ANKRD44: variants seen among roughly 807,000 people sequenced by gnomAD.
ANKRD44 encodes ankyrin repeat domain 44.
A neutral mutation model predicts 116.0 loss-of-function variants in ANKRD44; 35 were observed. That is an observed-to-expected ratio of 0.30 (90% CI 0.23 to 0.40). The LOEUF is 0.40. ANKRD44 is among the 10% of genes least tolerant of loss of function. ANKRD44 has a pLI of 1.00. For missense variants in ANKRD44, 1,014 were observed against 1,242.6 expected, an observed-to-expected ratio of 0.82 and a Z score of 2.77; for synonymous variants, 435 against 461.8, an observed-to-expected ratio of 0.94 and a Z score of 0.74.
chr2:197,163,319 T>C (rs1307125442), intron 2 of ANKRD44, among the ~76,000 whole-genome samples: 2 of 152,232 alleles, frequency 1.3e-5, no homozygotes, highest in African/African-American at 4.8e-5. Flanking sequence ...CTGCCTGCTG[T>C]GCAGTTCTGG....
rs1456511602 is a variant in ANKRD44 at position 197,125,408 on chromosome 2, G to A, written c.523C>T (p.Arg175Cys). 2.5e-6 allele frequency: 4 copies of A among 1,614,176 alleles called. No individual in the cohort carries two copies. The highest frequency in any genetic ancestry group is 1.3e-5 in the African/African-American group (1 of 75,070). The change falls in exon 6 of 28, where the codon CGT becomes TGT. Residue 175 changes from arginine to cysteine, a missense_variant. Arg to Cys is a radical substitution (Grantham distance 180, BLOSUM62 -3). Transcript: ENST00000282272. ...ATGTATGCTGCCCAGTGCAGAGCAC[G>A]CCGGTCCTTCTTGTCAAATGCATTG... ...NINAFDKKDR[R>C]ALHWAAYMGH... is the part of the protein sequence containing the mutation.
intron 1 of ANKRD44, among the ~76,000 whole-genome samples, chr2:197,252,931 T>C (rs1409257046): frequency 6.6e-6 from 1 of 152,200 alleles, no homozygotes; most frequent in Non-Finnish European, 1.5e-5. Flanking sequence ...TGACTTTTTA[T>C]AGTACCTGAC....
Position 197,112,340 on chromosome 2 carries a change from T to C in ANKRD44, c.907-1496A>G, listed in dbSNP as rs537270006. Among the ~76,000 whole-genome samples the C allele has an allele frequency of 9.3e-4, 142 of 152,284 alleles. 1 individual carries two copies. The highest frequency in any genetic ancestry group is 3.1e-3 in the African/African-American group (129 of 41,546). On this transcript the variant is annotated intron_variant, in intron 8 of 27. Coordinates refer to ENST00000282272, the MANE Select transcript of ANKRD44 (RefSeq NM_001195144.2). The stretch of plus-strand genomic sequence containing the variant: ...TAAAAACTCCATCTTGGAAAACAAA[T>C]AATAATTTAGGTAAGTATTTCTTAG...
At chr2:197,114,308 A>AT (rs2078658400) in intron 8 of ANKRD44, among the ~76,000 whole-genome samples, 1 of 152,130 alleles carries the variant, frequency 6.6e-6, no homozygotes, top group Non-Finnish European at 1.5e-5. Flanking sequence ...TTCTAGCTAC[A>AT]TTTTCCCATA....
rs935479205 is a variant in ANKRD44, at chr2:197,282,790, C to T, written c.27+27788G>A. On this transcript the variant is annotated intron_variant, in intron 1 of 27. Transcript: ENST00000282272. ...CCTGGCCAACATGGCGAAACCCCAT[C>T]TCTACTAAAAATACAAAAATTGGCC... Among the ~76,000 whole-genome samples the T allele has an allele frequency of 3.3e-5, 5 of 152,170 alleles. No homozygotes were observed. The East Asian group carries it at 9.6e-4, about 29-fold the overall frequency.
At chr2:197,055,375 A>G (rs1331242965) in intron 16 of ANKRD44, among the ~76,000 whole-genome samples, 1 of 152,108 alleles carries the variant, frequency 6.6e-6, no homozygotes, top group Non-Finnish European at 1.5e-5. Context: ...TTTTTCATAT[A>G]TATGTATTGC....
chr2:197,295,896 C>A (rs573465193), intron 1 of ANKRD44, among the ~76,000 whole-genome samples: 1 of 152,002 alleles, frequency 6.6e-6, no homozygotes, highest in East Asian at 1.9e-4. Flanking sequence ...CCTGTCCCTA[C>A]AAAAAGTGAG....
rs11431937 is a variant in ANKRD44, at chr2:197,047,024, C to CTT, written c.1651-21759_1651-21758dup. Among the ~76,000 whole-genome samples, 465 of 148,842 alleles carry CTT rather than the reference C, an allele frequency of 3.1e-3. 1 individual carries two copies. Among genetic ancestry groups the CTT allele is most frequent in the African/African-American group, 7.1e-3 (287 of 40,642 alleles). On this transcript the variant is annotated intron_variant, in intron 16 of 27. Coordinates refer to ENST00000282272, the MANE Select transcript of ANKRD44 (RefSeq NM_001195144.2). ...TTTGGTAAATAAGGTAACAGAATTA[C>CTT]TTTTTTTTTTTGAGATGGAGTTTTG...
chr2:197,218,547 T>C (rs1326903297), intron 1 of ANKRD44, among the ~76,000 whole-genome samples: 1 of 152,120 alleles, frequency 6.6e-6, no homozygotes, highest in Non-Finnish European at 1.5e-5. Flanking sequence ...GAAGGGCCAC[T>C]TTCTCCATAA....
chr2:197,026,170 A>G (rs1276268762), intron 16 of ANKRD44, among the ~76,000 whole-genome samples: 1 of 152,232 alleles, frequency 6.6e-6, no homozygotes, highest in African/African-American at 2.4e-5. Flanking sequence ...CATACAATAA[A>G]TACTCAGTGA....
chr2:197,245,319 C>T (rs2082168174), intron 1 of ANKRD44, among the ~76,000 whole-genome samples: 4 of 152,062 alleles, frequency 2.6e-5, no homozygotes, highest in African/African-American at 9.7e-5. Flanking sequence ...ATAGCATTTA[C>T]ATTGTATTAG....
intron 16 of ANKRD44, among the ~76,000 whole-genome samples, chr2:197,051,733 A>G (rs1172523128): frequency 2.6e-5 from 4 of 152,144 alleles, no homozygotes; most frequent in Admixed American, 6.5e-5. Context: ...TGCTAATACT[A>G]TTCTCTAGGG....
intron 1 of ANKRD44, among the ~76,000 whole-genome samples, chr2:197,188,459 T>A (rs755949020): frequency 2.6e-5 from 4 of 152,184 alleles, no homozygotes; most frequent in Non-Finnish European, 5.9e-5. Context: ...TGGCAGGCTT[T>A]AGGGTTGATG....
chr2:197,083,286 G>A, intron 14 of ANKRD44, 83 bp downstream of exon 14: 2 of 1,481,872 alleles, frequency 1.3e-6, no homozygotes, highest in Non-Finnish European at 1.8e-6. Context: ...TTTCCATGAG[G>A]CGGTATGAAG....
At chr2:197,146,053 T>C (rs1327778242) in intron 3 of ANKRD44, among the ~76,000 whole-genome samples, 1 of 152,218 alleles carries the variant, frequency 6.6e-6, no homozygotes, top group Admixed American at 6.5e-5. Context: ...GGAAACCTGT[T>C]TGGTGAGATA....
chr2:197,224,641 T>C (rs58996363), intron 1 of ANKRD44, among the ~76,000 whole-genome samples: 2,466 of 152,358 alleles, frequency 0.016, 65 homozygotes, highest in African/African-American at 0.055. Flanking sequence ...TTCATTATGC[T>C]TTTTGGTTTG....
chr2:197,141,443 C>T (rs1259389297), intron 3 of ANKRD44, among the ~76,000 whole-genome samples: 1 of 151,906 alleles, frequency 6.6e-6, no homozygotes, highest in Non-Finnish European at 1.5e-5. Context: ...TATTATTATA[C>T]CGCATTCTGA....
chr2:197,225,695 T>G (rs538399379), intron 1 of ANKRD44, among the ~76,000 whole-genome samples: 1 of 152,228 alleles, frequency 6.6e-6, no homozygotes, highest in African/African-American at 2.4e-5. Context: ...GAAATCTGAT[T>G]CCCAAGGAAG....
At chr2:197,243,159 T>A (rs1182627875) in intron 1 of ANKRD44, among the ~76,000 whole-genome samples, 2 of 152,212 alleles carry the variant, frequency 1.3e-5, no homozygotes, top group Non-Finnish European at 2.9e-5. Flanking sequence ...GGAGTTTCCA[T>A]GAATCAAATC....
Sources: allele counts gnomAD v4.1 joint callset (sites outside exome capture counted in the v4.1 genomes callset), GRCh38; gene constraint gnomAD v4.1.1; transcripts MANE v1.5; gene names NCBI Gene and HGNC (gene_info 2026-07-23, HGNC 2026-07-21).